XPO1: variants seen among roughly 807,000 people sequenced by gnomAD.
XPO1 encodes the protein exportin-1.
Under a neutral mutation model 133.3 loss-of-function variants are expected in XPO1, and 5 were observed. The ratio of observed to expected loss-of-function variants is 0.04; its 90% CI spans 0.02 to 0.08. The LOEUF (loss-of-function observed/expected upper bound fraction) is 0.08. Ranked by LOEUF, XPO1 falls within the 10% of genes least tolerant of loss-of-function variation. The probability of loss-of-function intolerance (pLI) is 1.00; values close to 1 mark genes in which losing one functional copy is unlikely to be tolerated. For synonymous variants in XPO1, 419 were observed against 408.2 expected (o/e 1.03, Z -0.32); for missense variants, 506 against 1,267.5 (o/e 0.40, Z 9.12).
intron 4 of XPO1, among the ~76,000 whole-genome samples, chr2:61,521,681 G>A (rs934785437): frequency 6.6e-6 from 1 of 152,226 alleles, no homozygotes; most frequent in Admixed American, 6.5e-5. Flanking sequence ...AACCACAAAA[G>A]GCAAAACAGC....
At chr2:61,479,505 T>G (rs1052625111) in intron 24 of XPO1, among the ~76,000 whole-genome samples, 3 of 152,170 alleles carry the variant, frequency 2.0e-5, no homozygotes, top group Non-Finnish European at 4.4e-5. Context: ...TAGTCTTCAA[T>G]GTGATTATTA....
At chr2:61,497,473 A>T (rs2104477576) in intron 9 of XPO1, among the ~76,000 whole-genome samples, 1 of 152,286 alleles carries the variant, frequency 6.6e-6, no homozygotes, top group East Asian at 1.9e-4. Flanking sequence ...GACCTCCCAA[A>T]GTGCTGGGAT....
chr2:61,510,582 CAAAAAATCTA>C (rs1698041106), intron 4 of XPO1, among the ~76,000 whole-genome samples: 1 of 152,040 alleles, frequency 6.6e-6, no homozygotes, highest in Non-Finnish European at 1.5e-5. Context: ...ACACACTGGA[CAAAAAATCTA>C]AAAGATTAAA....
chr2:61,520,265 GA>G (rs1698625601), intron 4 of XPO1, among the ~76,000 whole-genome samples: 1 of 152,174 alleles, frequency 6.6e-6, no homozygotes, highest in Non-Finnish European at 1.5e-5. Flanking sequence ...GTTACTTAAA[GA>G]TGAAGGAAAA....
chr2:61,490,248 G>GACT (rs924966494), intron 17 of XPO1, among the ~76,000 whole-genome samples: 17 of 146,108 alleles, frequency 1.2e-4, no homozygotes, highest in Non-Finnish European at 4.5e-5. Context: ...GTCTCGGCTA[G>GACT]AGAACAGTAG....
At chr2:61,536,632 G>T in intron 1 of XPO1, 1 of 152,354 alleles carries the variant, frequency 6.6e-6, no homozygotes, top group Middle Eastern at 3.4e-3. Flanking sequence ...CACCTCATTA[G>T]GGCCCGCCCT....
In XPO1 at chr2:61,478,467, G is replaced by T; in HGVS notation, c.*353C>A. Reference sequence around the variant, plus strand: ...GGAAAATGCTCCCTAATTAAAAATTGGTATTGTTTACAGGAAAAATTGTAT... The same window carrying T: ...GGAAAATGCTCCCTAATTAAAAATTTGTATTGTTTACAGGAAAAATTGTAT... On this transcript the variant is annotated 3_prime_UTR_variant, in exon 25 of 25. Coordinates refer to ENST00000401558, the MANE Select transcript of XPO1 (RefSeq NM_003400.4). 1 of 269,806 alleles carries T rather than the reference G, an allele frequency of 3.7e-6. No homozygotes were observed. The highest frequency in any genetic ancestry group is 7.0e-6 in the Non-Finnish European group (1 of 142,602). The allele number at this position is 269,806 out of a possible 1,614,324, so 16.7% of individuals were successfully genotyped here.
At chr2:61,512,691 T>C (rs542203212) in intron 4 of XPO1, among the ~76,000 whole-genome samples, 369 of 152,312 alleles carry the variant, frequency 2.4e-3, no homozygotes, top group African/African-American at 8.2e-3. Flanking sequence ...TTTGCCAGAT[T>C]TCACTCTAAA....
At chr2:61,512,231 A>C (rs1159692064) in intron 4 of XPO1, among the ~76,000 whole-genome samples, 1 of 152,192 alleles carries the variant, frequency 6.6e-6, no homozygotes, top group Admixed American at 6.6e-5. Flanking sequence ...GCAAGGACTT[A>C]AGTCTAATAT....
intron 3 of XPO1, among the ~76,000 whole-genome samples, chr2:61,523,805 T>G (rs1294675591): frequency 6.6e-6 from 1 of 152,234 alleles, no homozygotes; most frequent in Non-Finnish European, 1.5e-5. Context: ...AAACAGTGAA[T>G]GTTTTTGCTG....
Position 61,493,882 on chromosome 2 carries a change from C to A in XPO1, c.1245+12G>T. The A allele has an allele frequency of 6.2e-7, 1 of 1,613,812 alleles. No individual in the cohort carries two copies. The highest frequency in any genetic ancestry group is 8.5e-7 in the Non-Finnish European group (1 of 1,179,826). ...TGCAACAGGAAGAACACTCAACCAACCGCTCTGTTACCTTGAATAACATGG... is the reference window on the plus strand; with the variant it reads ...TGCAACAGGAAGAACACTCAACCAAACGCTCTGTTACCTTGAATAACATGG... On this transcript the variant is annotated intron_variant, in intron 12 of 24. Coordinates refer to ENST00000401558, the MANE Select transcript of XPO1 (RefSeq NM_003400.4).
Position 61,492,490 on chromosome 2 carries a change from A to G in XPO1, c.1567-9T>C. 6.3e-7 allele frequency: 1 copy of G among 1,587,454 alleles called. No homozygotes were observed. The highest frequency in any genetic ancestry group is 1.2e-5 in the South Asian group (1 of 85,900). On this transcript the variant is annotated splice_polypyrimidine_tract_variant and intron_variant, in intron 14 of 24. Transcript: ENST00000401558. The surrounding 1 kb of genome is among the most constrained non-coding windows in gnomAD (Gnocchi z 5.6). ...CATAATCCTAATAGATCCTGTAAAT[A>G]AGACAAATTTGTATTATTTATTGTA...
At chr2:61,497,821 A>G (rs1458585155) in intron 9 of XPO1, among the ~76,000 whole-genome samples, 1 of 152,230 alleles carries the variant, frequency 6.6e-6, no homozygotes, top group Non-Finnish European at 1.5e-5. Context: ...ATATTTAAAT[A>G]AATTAATGTT....
At chr2:61,523,509 CA>C (rs1698784560) in intron 3 of XPO1, among the ~76,000 whole-genome samples, 1 of 152,032 alleles carries the variant, frequency 6.6e-6, no homozygotes, top group South Asian at 2.1e-4. Flanking sequence ...TTACTATGAC[CA>C]ATTAGTGTGG....
At chr2:61,481,915 T>C (rs113264693) in intron 23 of XPO1, among the ~76,000 whole-genome samples, 1 of 151,960 alleles carries the variant, frequency 6.6e-6, no homozygotes, top group Non-Finnish European at 1.5e-5. Context: ...TTTTGTATTT[T>C]TAGTAGAAAC....
At chr2:61,522,471 GTTTGCTTCATGATAA>G in intron 4 of XPO1, 125 bp downstream of exon 4, 2 of 706,616 alleles carry the variant, frequency 2.8e-6, no homozygotes, top group South Asian at 3.7e-5. Flanking sequence ...AAACAGACCT[GTTTGCTTCATGATAA>G]AAGCAATAAG....
rs1491506588 is a variant in XPO1 at position 61,482,033 on chromosome 2, C to CTTTTTTTTTTTT, written c.2972+346_2972+347insAAAAAAAAAAAA. Among the ~76,000 whole-genome samples the CTTTTTTTTTTTT allele has an allele frequency of 2.6e-3, 225 of 86,804 alleles. 54 individuals are homozygous for CTTTTTTTTTTTT. Among genetic ancestry groups the CTTTTTTTTTTTT allele is most frequent in the Non-Finnish European group, 3.4e-3 (138 of 40,018 alleles). The allele number at this position is 86,804 out of a possible 152,430, so 56.9% of individuals were successfully genotyped here. On this transcript the variant is annotated intron_variant, in intron 23 of 24. Coordinates refer to ENST00000401558, the MANE Select transcript of XPO1 (RefSeq NM_003400.4). ...TACAGTCATGAGCCACCGTGCGTGG[C>CTTTTTTTTTTTT]CTTTTTTTTTTTTTTTTTTTTTTTG...
intron 2 of XPO1, among the ~76,000 whole-genome samples, chr2:61,531,333 G>A (rs994495505): frequency 3.3e-5 from 5 of 151,938 alleles, no homozygotes; most frequent in East Asian, 3.8e-4. Context: ...TTTTACTTTG[G>A]GAAAGTTAAC....
intron 2 of XPO1, among the ~76,000 whole-genome samples, chr2:61,529,812 CAA>C (rs1699075186): frequency 6.6e-6 from 1 of 152,208 alleles, no homozygotes; most frequent in Non-Finnish European, 1.5e-5. Flanking sequence ...GCTACACACT[CAA>C]TAACTTATAT....
Sources: gnomAD v4.1 joint callset for allele counts (sites outside exome capture counted in the v4.1 genomes callset) on GRCh38, gnomAD v4.1.1 for gene constraint, Gnocchi (gnomAD v3.1) non-coding constraint, MANE v1.5 for transcripts, NCBI Gene and HGNC (gene_info 2026-07-23, HGNC 2026-07-21) for gene names.